METTL9: variants seen among roughly 807,000 people sequenced by gnomAD.
The protein encoded by METTL9 is methyltransferase 9, His-X-His N1(pi)-histidine, also known as protein-L-histidine N-pros-methyltransferase.
A neutral mutation model predicts 36.0 loss-of-function variants in METTL9; 10 were observed. The ratio of observed to expected loss-of-function variants is 0.28; its 90% CI spans 0.17 to 0.47. The LOEUF is 0.47. Ranked by LOEUF, METTL9 falls within the 20% of genes least tolerant of loss-of-function variation. METTL9 has a pLI of 0.99. For missense variants in METTL9, 246 were observed against 383.5 expected (o/e 0.64, Z 3.00); for synonymous variants, 175 against 149.7 (o/e 1.17, Z -1.23).
At chr16:21,621,509 C>T (rs1965692386) in intron 3 of METTL9, among the ~76,000 whole-genome samples, 1 of 151,634 alleles carries the variant, frequency 6.6e-6, no homozygotes, top group Admixed American at 6.6e-5. Flanking sequence ...TGTATTTTAG[C>T]AGAGATAAGG....
chr16:21,622,197 TG>T (rs1965722314), intron 3 of METTL9, among the ~76,000 whole-genome samples: 1 of 142,750 alleles, frequency 7.0e-6, no homozygotes, highest in South Asian at 2.3e-4. Context: ...CAGGCTGGAG[TG>T]CAGTGACACA....
upstream of METTL9, chr16:21,599,392 C>G: frequency 9.3e-7 from 1 of 1,070,326 alleles, no homozygotes; most frequent in East Asian, 7.3e-5. The surrounding 1 kb of genome is among the most constrained non-coding windows in gnomAD (Gnocchi z 4.4). Context: ...GAACGCGCTC[C>G]GGGCGGATGC....
At chr16:21,614,146 T>C (rs1322844708) in intron 2 of METTL9, among the ~76,000 whole-genome samples, 2 of 152,218 alleles carry the variant, frequency 1.3e-5, no homozygotes, top group Non-Finnish European at 2.9e-5. Context: ...ACAGTTGTTA[T>C]TTTTATATGG....
rs1287596266 is a variant in METTL9, at chr16:21,599,839, A to G, written c.106A>G (p.Met36Val). ...GCTCACCCGCTCCCTGTACGTGAAC[A>G]TGACTAGCGGCCCGGGTGGGCCGGC... is the stretch of plus-strand genomic sequence containing the variant. ...SPLTRSLYVN[M>V]TSGPGGPAAA... Residue 36 changes from methionine to valine, a missense_variant, in exon 1 of 5, where the codon ATG becomes GTG. Physicochemically the swap from Met to Val is conservative, Grantham distance 21. Transcript: ENST00000358154. This position sits in a 1 kb window ranked among gnomAD's most constrained non-coding sequence, Gnocchi z 4.4. 2 of 1,530,410 alleles carry G rather than the reference A, an allele frequency of 1.3e-6. No homozygotes were observed. The highest frequency in any genetic ancestry group is 1.2e-5 in the South Asian group (1 of 82,696). 94.8% of individuals were successfully genotyped at this position (1,530,410 alleles called of 1,614,324 possible). A position where few individuals can be genotyped will look rare whatever the true frequency, so the allele number is the denominator to read the frequency against.
chr16:21,606,464 T>G (rs1965292158), intron 1 of METTL9, among the ~76,000 whole-genome samples: 1 of 152,054 alleles, frequency 6.6e-6, no homozygotes, highest in Non-Finnish European at 1.5e-5. Flanking sequence ...GAGTTTCTCT[T>G]TCCTCTGATG....
At position 21,655,602 on chromosome 16, in the gene METTL9, GA is replaced by G; in HGVS notation, c.*172del. On this transcript the variant is annotated 3_prime_UTR_variant, in exon 5 of 5. Transcript: ENST00000358154. Reference sequence around the variant, plus strand: ...AATTATTTCTTTGTAGTGTGTAAAGGAATGTTTTTAAAAGACAAAAACCCAA... The same window carrying G: ...AATTATTTCTTTGTAGTGTGTAAAGGATGTTTTTAAAAGACAAAAACCCAA... 1 of 613,012 alleles carries G rather than the reference GA, an allele frequency of 1.6e-6. No individual in the cohort carries two copies. The highest frequency in any genetic ancestry group is 2.5e-5 in the South Asian group (1 of 40,794). 38.0% of individuals were successfully genotyped at this position (613,012 alleles called of 1,614,324 possible).
At chr16:21,618,124 T>C (rs767004204) in intron 3 of METTL9, 50 bp downstream of exon 3, 86 of 1,289,236 alleles carry the variant, frequency 6.7e-5, no homozygotes, top group Non-Finnish European at 8.7e-5. Flanking sequence ...GTATATTATT[T>C]AAAGGATATG....
At chr16:21,601,326 A>G (rs371155302) in intron 1 of METTL9, among the ~76,000 whole-genome samples, 21 of 152,212 alleles carry the variant, frequency 1.4e-4, no homozygotes, top group Non-Finnish European at 2.9e-4. Flanking sequence ...ATATGGAACA[A>G]TGGGGTAGAC....
intron 4 of METTL9, among the ~76,000 whole-genome samples, chr16:21,648,891 G>A (rs1295208961): frequency 1.3e-5 from 2 of 152,118 alleles, no homozygotes; most frequent in Non-Finnish European, 2.9e-5. Context: ...TTCTCTTAGC[G>A]TTTCTCTTAT....
Position 21,656,532 on chromosome 16 carries a change from C to T in METTL9, c.*1100C>T, listed in dbSNP as rs1433590315. On this transcript the variant is annotated 3_prime_UTR_variant, in exon 5 of 5. Transcript: ENST00000358154. ...ACCCAGAAATGCTGCCATAGAGGAACCCATTAGCAAGATCAATAACCATCG... is the reference window on the plus strand; with the variant it reads ...ACCCAGAAATGCTGCCATAGAGGAATCCATTAGCAAGATCAATAACCATCG... 1 of 152,106 alleles carries T rather than the reference C, an allele frequency of 6.6e-6. No homozygotes were observed. Among genetic ancestry groups the T allele is most frequent in the East Asian group, 1.9e-4 (1 of 5,190 alleles). 9.4% of individuals were successfully genotyped at this position (152,106 alleles called of 1,614,324 possible). A position where few individuals can be genotyped will look rare whatever the true frequency, so the allele number is the denominator to read the frequency against.
intron 4 of METTL9, among the ~76,000 whole-genome samples, chr16:21,628,666 G>A (rs1428935345): frequency 6.6e-6 from 1 of 151,828 alleles, no homozygotes; most frequent in Non-Finnish European, 1.5e-5. Flanking sequence ...TCTAACTTTT[G>A]TATTTTTTTG....
chr16:21,641,125 T>A (rs1253529050), intron 4 of METTL9: 1 of 154,778 alleles, frequency 6.5e-6, no homozygotes, highest in African/African-American at 2.4e-5. Context: ...AACTCAAATT[T>A]TGTCACGTTG....
chr16:21,654,899 C>T (rs975282689), intron 4 of METTL9: 1 of 302,452 alleles, frequency 3.3e-6, no homozygotes. Flanking sequence ...AACCATTACA[C>T]CCTGCAGTCA....
intron 1 of METTL9, among the ~76,000 whole-genome samples, chr16:21,601,931 A>G (rs1161316985): frequency 2.0e-5 from 3 of 152,184 alleles, no homozygotes; most frequent in Non-Finnish European, 2.9e-5. Flanking sequence ...ATGAATAAAG[A>G]TTAAAAGGAA....
At chr16:21,641,575 A>G in intron 4 of METTL9, 1 of 1,587,850 alleles carries the variant, frequency 6.3e-7, no homozygotes, top group Non-Finnish European at 8.6e-7. Context: ...CTGTTTTCAT[A>G]AGTGTTGTTA....
intron 3 of METTL9, among the ~76,000 whole-genome samples, chr16:21,620,294 G>A (rs1229954342): frequency 6.6e-6 from 1 of 152,172 alleles, no homozygotes; most frequent in African/African-American, 2.4e-5. Flanking sequence ...TCTCAGATAA[G>A]GTTCTGGTGG....
chr16:21,619,110 A>T (rs1174126509), intron 3 of METTL9, among the ~76,000 whole-genome samples: 1 of 152,140 alleles, frequency 6.6e-6, no homozygotes, highest in Non-Finnish European at 1.5e-5. Flanking sequence ...GGCTGTTGTG[A>T]ATAATGCTGC....
intron 4 of METTL9, chr16:21,653,463 G>C (rs1401847810): frequency 1.3e-5 from 2 of 152,102 alleles, no homozygotes; most frequent in African/African-American, 2.4e-5. Context: ...ATTCAGTAAG[G>C]GTCTTCTTTG....
At chr16:21,647,206 A>G in intron 4 of METTL9, 1 of 1,613,862 alleles carries the variant, frequency 6.2e-7, no homozygotes, top group Non-Finnish European at 8.5e-7. Flanking sequence ...ATGCTATTCC[A>G]CAGATGTAAA....
Sources: allele counts gnomAD v4.1 joint callset (sites outside exome capture counted in the v4.1 genomes callset), GRCh38; gene constraint gnomAD v4.1.1; non-coding constraint Gnocchi (gnomAD v3.1); transcripts MANE v1.5; gene names NCBI Gene and HGNC (gene_info 2026-07-23, HGNC 2026-07-21).